ST6GAL2: variants seen among roughly 807,000 people sequenced by gnomAD.
ST6GAL2 encodes beta-galactoside alpha-2,6-sialyltransferase 2.
ST6GAL2 carries 24 observed loss-of-function variants against 37.5 expected under a neutral mutation model. The ratio of observed to expected loss-of-function variants is 0.64; its 90% confidence interval spans 0.46 to 0.90. The LOEUF (loss-of-function observed/expected upper bound fraction) is 0.90, where lower values mean the gene tolerates loss of function less well. Among genes scored for constraint, ST6GAL2 ranks in the 40% least tolerant of loss-of-function variants. The pLI is 0.00. For synonymous variants in ST6GAL2, 306 were observed against 295.1 expected (o/e 1.04, Z -0.38); for missense variants, 715 against 712.7 (o/e 1.00, Z -0.04).
chr2:106,881,054 T>C (rs938024834), intron 1 of ST6GAL2, among the ~76,000 whole-genome samples: 1 of 152,204 alleles, frequency 6.6e-6, no homozygotes, highest in African/African-American at 2.4e-5. Flanking sequence ...AGAGTGATCA[T>C]GACTCACTGC....
intron 1 of ST6GAL2, among the ~76,000 whole-genome samples, chr2:106,882,580 T>G (rs1012920326): frequency 6.6e-6 from 1 of 152,200 alleles, no homozygotes; most frequent in Non-Finnish European, 1.5e-5. Context: ...AACTTACAAT[T>G]ATCAGTTTTG....
chr2:106,811,475 A>T (rs546776246), intron 5 of ST6GAL2, among the ~76,000 whole-genome samples: 1 of 152,258 alleles, frequency 6.6e-6, no homozygotes, highest in Non-Finnish European at 1.5e-5. Flanking sequence ...TTCAACATCT[A>T]TCAAGCTGAC....
chr2:106,861,788 G>C (rs1370535371), intron 1 of ST6GAL2, among the ~76,000 whole-genome samples: 1 of 151,928 alleles, frequency 6.6e-6, no homozygotes, highest in Non-Finnish European at 1.5e-5. Context: ...CCGCCACCAA[G>C]CCTGGCTAAT....
chr2:106,820,385 A>G (rs76711309), intron 5 of ST6GAL2, among the ~76,000 whole-genome samples: 14,859 of 152,104 alleles, frequency 0.098, 1,009 homozygotes, highest in African/African-American at 0.15. Context: ...AAGACAAAGT[A>G]GGTCATTATA....
rs1382127720 is a variant in ST6GAL2, at chr2:106,806,857, G to T, written c.1411C>A (p.Leu471Met). The change falls in exon 6 of 6, where the codon CTG (leucine) becomes ATG (methionine). Residue 471 changes from leucine to methionine, a missense_variant. This residue lies in a region of ST6GAL2 where 198 missense variants were observed against 203.6 expected (regional missense o/e 0.97). Coordinates refer to ENST00000409382, the MANE Select transcript of ST6GAL2 (RefSeq NM_001142351.2). Reference protein sequence around the residue: ...RQTELCHYHELYYDAACTLGA... With the variant: ...RQTELCHYHEMYYDAACTLGA... ...AGGGTGCAGGCTGCGTCGTAGTACA[G>T]CTCGTGGTAGTGGCACAGCTCCGTC... 8 of 1,614,178 alleles carry T rather than the reference G, an allele frequency of 5.0e-6. No individual in the cohort carries two copies. The South Asian group carries it at 8.8e-5, about 18-fold the overall frequency.
At chr2:106,834,408 A>T (rs1216569690) in intron 2 of ST6GAL2, 1 of 344,444 alleles carries the variant, frequency 2.9e-6, no homozygotes. Context: ...ATATTTAGAT[A>T]CTTGCTACCT....
Position 106,842,145 on chromosome 2 carries a change from C to T in ST6GAL2, c.943+890G>A, listed in dbSNP as rs367988331. Among the ~76,000 whole-genome samples the T allele has an allele frequency of 3.3e-5, 5 of 152,334 alleles. No homozygotes were observed. The East Asian group carries it at 7.7e-4, about 23-fold the overall frequency. On this transcript the variant is annotated intron_variant, in intron 2 of 5. Transcript: ENST00000409382. Reference sequence around the variant, plus strand: ...CAGAAACTCTGCCTGAGTTTCCCATCTGCTGGGCTGCACTACCTATTTCAG... The same window carrying T: ...CAGAAACTCTGCCTGAGTTTCCCATTTGCTGGGCTGCACTACCTATTTCAG...
At chr2:106,853,420 C>T (rs1677453964) in intron 1 of ST6GAL2, among the ~76,000 whole-genome samples, 1 of 152,196 alleles carries the variant, frequency 6.6e-6, no homozygotes, top group South Asian at 2.1e-4. Flanking sequence ...AACAGTTCTG[C>T]CTTTGCTGTT....
chr2:106,885,769 T>C (rs1678956951), intron 1 of ST6GAL2: 1 of 152,170 alleles, frequency 6.6e-6, no homozygotes, highest in Non-Finnish European at 1.5e-5. Context: ...GAACACACTT[T>C]AACCTTTAAG....
At chr2:106,873,901 T>C (rs1297881896) in intron 1 of ST6GAL2, among the ~76,000 whole-genome samples, 1 of 152,226 alleles carries the variant, frequency 6.6e-6, no homozygotes, top group Non-Finnish European at 1.5e-5. Context: ...AATAGATCAC[T>C]AGAATTTGAG....
Position 106,882,217 on chromosome 2 carries a change from T to C in ST6GAL2, c.-58+3876A>G, listed in dbSNP as rs1678778663. 5.9e-5 allele frequency among the ~76,000 whole-genome samples: 9 copies of C among 152,354 alleles called. No individual in the cohort carries two copies. The South Asian group carries it at 1.7e-3, about 28-fold the overall frequency. On this transcript the variant is annotated intron_variant, in intron 1 of 5. Coordinates refer to ENST00000409382, the MANE Select transcript of ST6GAL2 (RefSeq NM_001142351.2). ...GCAGGCTCAGCCTGATTTGAGGACA[T>C]GAAAACTGATAGTCTTAGTTGGTCT... is the stretch of plus-strand genomic sequence containing the variant.
At chr2:106,854,271 C>T (rs958645382) in intron 1 of ST6GAL2, among the ~76,000 whole-genome samples, 3 of 152,194 alleles carry the variant, frequency 2.0e-5, no homozygotes, top group Admixed American at 2.0e-4. Flanking sequence ...CTGTTGGCAC[C>T]TGCATAATTT....
chr2:106,815,509 A>T (rs1675767221), intron 5 of ST6GAL2, among the ~76,000 whole-genome samples: 1 of 152,134 alleles, frequency 6.6e-6, no homozygotes, highest in African/African-American at 2.4e-5. Context: ...ACAAAAGTCT[A>T]TTTTCACCTT....
intron 1 of ST6GAL2, among the ~76,000 whole-genome samples, chr2:106,884,596 CA>C (rs1175139382): frequency 1.3e-5 from 2 of 152,066 alleles, no homozygotes; most frequent in Non-Finnish European, 2.9e-5. Flanking sequence ...CAGCACCAAG[CA>C]AAAATGTAAG....
At chr2:106,850,878 C>G (rs1406522398) in intron 1 of ST6GAL2, among the ~76,000 whole-genome samples, 1 of 152,168 alleles carries the variant, frequency 6.6e-6, no homozygotes, top group Non-Finnish European at 1.5e-5. Context: ...CCATCATTAG[C>G]TGGTGTGATA....
chr2:106,874,081 C>T (rs893063499), intron 1 of ST6GAL2, among the ~76,000 whole-genome samples: 28 of 152,166 alleles, frequency 1.8e-4, no homozygotes, highest in African/African-American at 6.8e-4. Context: ...GGGCTCAGTA[C>T]CACACAACAT....
chr2:106,835,773 G>C (rs2104487034), intron 2 of ST6GAL2, among the ~76,000 whole-genome samples: 1 of 152,294 alleles, frequency 6.6e-6, no homozygotes, highest in South Asian at 2.1e-4. Context: ...CTGTAAAAAA[G>C]TCTGCCAATC....
intron 2 of ST6GAL2, among the ~76,000 whole-genome samples, chr2:106,839,819 T>C (rs545145786): frequency 1.3e-5 from 2 of 152,214 alleles, no homozygotes; most frequent in Non-Finnish European, 2.9e-5. Context: ...AAATTATTAT[T>C]GCTTATATGC....
chr2:106,811,184 A>G (rs1675596902), intron 5 of ST6GAL2, among the ~76,000 whole-genome samples: 1 of 152,182 alleles, frequency 6.6e-6, no homozygotes, highest in Non-Finnish European at 1.5e-5. Flanking sequence ...CATATAATAA[A>G]TAGTGAAAAT....
Sources: allele counts gnomAD v4.1 joint callset (sites outside exome capture counted in the v4.1 genomes callset), GRCh38; gene constraint gnomAD v4.1.1; regional missense constraint gnomAD v4.1.1; transcripts MANE v1.5; gene names NCBI Gene and HGNC (gene_info 2026-07-23, HGNC 2026-07-21).